The following OR6N1 variants were observed in gnomAD, a reference collection of about 807,000 sequenced individuals.
The protein encoded by OR6N1 is olfactory receptor family 6 subfamily N member 1.
For missense variants in OR6N1, 394 were observed against 371.7 expected, an observed-to-expected ratio of 1.06 and a Z score of -0.49; for synonymous variants, 170 against 150.7, an observed-to-expected ratio of 1.13 and a Z score of -0.94.
the OR6N1 span, among the ~76,000 whole-genome samples, chr1:158,813,851 T>C: frequency 6.6e-6 from 1 of 151,984 alleles, no homozygotes; most frequent in Non-Finnish European, 1.5e-5. Flanking sequence ...ATGTGCTCCA[T>C]GCCCGGTTGA....
chr1:158,827,244 T>C, the OR6N1 span, among the ~76,000 whole-genome samples: 547 of 152,332 alleles, frequency 3.6e-3, 4 homozygotes, highest in Non-Finnish European at 5.9e-3. Flanking sequence ...ACAAGGATAG[T>C]TGGAACAAAT....
At chr1:158,814,750 C>A in the OR6N1 span, among the ~76,000 whole-genome samples, 1 of 152,148 alleles carries the variant, frequency 6.6e-6, no homozygotes, top group Non-Finnish European at 1.5e-5. Context: ...GGTTAGGTTT[C>A]AACCTATGAA....
At chr1:158,798,609 T>C in the OR6N1 span, among the ~76,000 whole-genome samples, 1 of 152,058 alleles carries the variant, frequency 6.6e-6, no homozygotes, top group Non-Finnish European at 1.5e-5. Flanking sequence ...TTAATTCTAT[T>C]AACTGTATTG....
the OR6N1 span, among the ~76,000 whole-genome samples, chr1:158,830,313 T>A: frequency 6.6e-6 from 1 of 152,188 alleles, no homozygotes; most frequent in South Asian, 2.1e-4. Flanking sequence ...TCCTCTTGGT[T>A]TTTTCTGATT....
At chr1:158,781,589 T>A in the OR6N1 span, among the ~76,000 whole-genome samples, 1 of 152,218 alleles carries the variant, frequency 6.6e-6, no homozygotes, top group Non-Finnish European at 1.5e-5. Context: ...ACTCTCACAT[T>A]TCTTGACTCA....
chr1:158,803,143 C>G, the OR6N1 span, among the ~76,000 whole-genome samples: 1 of 152,012 alleles, frequency 6.6e-6, no homozygotes, highest in African/African-American at 2.4e-5. Flanking sequence ...TCATATTAAA[C>G]GGAAGAAAAA....
At chr1:158,794,760 G>A in the OR6N1 span, among the ~76,000 whole-genome samples, 22,401 of 152,204 alleles carry the variant, frequency 0.15, 2,228 homozygotes, top group African/African-American at 0.29. Flanking sequence ...AAATTACACA[G>A]AAGTTTCCTC....
chr1:158,786,576 A>G, the OR6N1 span, among the ~76,000 whole-genome samples: 4 of 152,342 alleles, frequency 2.6e-5, no homozygotes, highest in East Asian at 1.9e-4. Context: ...TGCAATTGCA[A>G]AGATATGGAA....
the OR6N1 span, among the ~76,000 whole-genome samples, chr1:158,798,976 C>T: frequency 6.6e-6 from 1 of 152,158 alleles, no homozygotes; most frequent in Non-Finnish European, 1.5e-5. Context: ...GCCCAGTTCC[C>T]CCTTCCAGTC....
upstream of OR6N1, chr1:158,776,681 G>C: frequency 6.4e-7 from 1 of 1,572,662 alleles, no homozygotes; most frequent in South Asian, 1.2e-5. Flanking sequence ...TGGGAAGAAA[G>C]TCAAAGATGA....
the OR6N1 span, among the ~76,000 whole-genome samples, chr1:158,807,516 C>A: frequency 1.1e-4 from 17 of 152,190 alleles, no homozygotes; most frequent in African/African-American, 3.9e-4. Context: ...AATAGAGGAG[C>A]TGGAGAGAAA....
rs857824 is a variant in OR6N1, at chr1:158,765,805, C to A, written c.878G>T (p.Arg293Leu). The change falls in exon 2 of 2, where the codon CGC becomes CTC. Residue 293 changes from arginine to leucine, a missense_variant. Transcript: ENST00000641846. ...PFLNPFIYSLRNKEIKEAVRR... is the reference protein window; with the variant it reads ...PFLNPFIYSLLNKEIKEAVRR... Reference sequence around the variant, plus strand: ...CACAGCCTCCTTGATCTCCTTGTTGCGCAAGCTGTAGATGAAGGGGTTGAG... The same window carrying A: ...CACAGCCTCCTTGATCTCCTTGTTGAGCAAGCTGTAGATGAAGGGGTTGAG... 1.5e-5 allele frequency: 25 copies of A among 1,613,958 alleles called. No homozygotes were observed. Among genetic ancestry groups the A allele is most frequent in the Non-Finnish European group, 2.1e-5 (25 of 1,179,934 alleles).
chr1:158,795,200 C>A, the OR6N1 span, among the ~76,000 whole-genome samples: 3 of 152,132 alleles, frequency 2.0e-5, no homozygotes, highest in African/African-American at 7.2e-5. Context: ...GAAATAAGCC[C>A]CACTTAGCTC....
chr1:158,807,392 C>G, the OR6N1 span, among the ~76,000 whole-genome samples: 1 of 152,164 alleles, frequency 6.6e-6, no homozygotes, highest in Non-Finnish European at 1.5e-5. Flanking sequence ...TAGTCTCTTC[C>G]AAGATCTGGT....
chr1:158,771,109 G>T (rs1657414852), intron 1 of OR6N1, among the ~76,000 whole-genome samples: 1 of 152,128 alleles, frequency 6.6e-6, no homozygotes, highest in South Asian at 2.1e-4. Context: ...TTTATCTTTT[G>T]TCAATCTGAA....
At chr1:158,811,810 C>A in the OR6N1 span, among the ~76,000 whole-genome samples, 5 of 152,124 alleles carry the variant, frequency 3.3e-5, no homozygotes, top group Non-Finnish European at 5.9e-5. Flanking sequence ...TTCATACCAA[C>A]CTGAAAAATT....
the OR6N1 span, among the ~76,000 whole-genome samples, chr1:158,787,868 G>A: frequency 6.6e-6 from 1 of 152,082 alleles, no homozygotes; most frequent in African/African-American, 2.4e-5. Flanking sequence ...AGACTTAAAT[G>A]CACTTACTAA....
chr1:158,832,516 T>A, the OR6N1 span, among the ~76,000 whole-genome samples: 14 of 151,660 alleles, frequency 9.2e-5, no homozygotes, highest in African/African-American at 3.4e-4. Context: ...AGAATATGTA[T>A]ATCTAAGTAT....
chr1:158,789,294 C>T, the OR6N1 span, among the ~76,000 whole-genome samples: 1 of 152,186 alleles, frequency 6.6e-6, no homozygotes, highest in African/African-American at 2.4e-5. Flanking sequence ...TGTAACAGTG[C>T]TGCAATAAAC....
Sources: gnomAD v4.1 joint callset for allele counts (sites outside exome capture counted in the v4.1 genomes callset) on GRCh38, gnomAD v4.1.1 for gene constraint, MANE v1.5 for transcripts, NCBI Gene and HGNC (gene_info 2026-07-23, HGNC 2026-07-21) for gene names.